Variants in RALGAPA2 observed in about 807,000 individuals in gnomAD.
The protein encoded by RALGAPA2 is Ral GTPase activating protein catalytic subunit alpha 2, also known as ral GTPase-activating protein subunit alpha-2.
In RALGAPA2, 139 loss-of-function variants were observed where a neutral mutation model predicts 230.4. The ratio of observed to expected loss-of-function variants is 0.60; its 90% CI spans 0.53 to 0.69. The LOEUF is 0.69. Among genes scored for constraint, RALGAPA2 ranks in the 30% least tolerant of loss-of-function variants. RALGAPA2 has a pLI of 0.00. For synonymous variants in RALGAPA2, 847 were observed against 837.8 expected, an observed-to-expected ratio of 1.01 and a Z score of -0.19; for missense variants, 2,163 against 2,276.0, an observed-to-expected ratio of 0.95 and a Z score of 1.01.
chr20:20,544,840 G>A (rs915391755), intron 24 of RALGAPA2, among the ~76,000 whole-genome samples: 3 of 151,550 alleles, frequency 2.0e-5, no homozygotes, highest in South Asian at 4.2e-4. Flanking sequence ...TGGACACAGC[G>A]AGGGGAATAT....
intron 16 of RALGAPA2, among the ~76,000 whole-genome samples, chr20:20,597,731 C>T (rs1403511054): frequency 4.0e-5 from 6 of 151,758 alleles, no homozygotes; most frequent in South Asian, 2.1e-4. Flanking sequence ...CCTAGCTACT[C>T]GGGAGGCTGA....
chr20:20,513,675 T>C (rs4814977), intron 31 of RALGAPA2, among the ~76,000 whole-genome samples: 152,195 of 152,276 alleles, frequency 1, 76,058 homozygotes, highest in Non-Finnish European at 1. Context: ...GATGTTTCTC[T>C]CAAGCCCCAG....
intron 4 of RALGAPA2, among the ~76,000 whole-genome samples, chr20:20,648,593 G>A (rs2067294112): frequency 6.6e-6 from 1 of 152,028 alleles, no homozygotes; most frequent in African/African-American, 2.4e-5. Flanking sequence ...TTGGGTCAAA[G>A]ATCAGGAGAA....
intron 37 of RALGAPA2, among the ~76,000 whole-genome samples, chr20:20,428,556 G>A (rs1317258878): frequency 6.6e-6 from 1 of 152,308 alleles, no homozygotes; most frequent in South Asian, 2.1e-4. Flanking sequence ...GAAGAGCCAT[G>A]GAGATGATCC....
chr20:20,436,525 T>C (rs747778995), intron 37 of RALGAPA2, among the ~76,000 whole-genome samples: 10 of 152,074 alleles, frequency 6.6e-5, no homozygotes, highest in Non-Finnish European at 1.3e-4. Context: ...AATACATGAG[T>C]AAGACGGCAA....
At position 20,512,741 on chromosome 20, in the gene RALGAPA2, T is replaced by C. The variant is rs762693802; in HGVS notation, c.4628A>G (p.Asn1543Ser). The C allele has an allele frequency of 2.5e-6, 4 of 1,613,806 alleles. No homozygotes were observed. The highest frequency in any genetic ancestry group is 2.7e-5 in the African/African-American group (2 of 75,024). ...ECLLPSQLNL[N>S]EPSLTPCGMN... ...GCCACATGGGGTTAGGGAAGGTTCA[T>C]TTAGATTTAGCTGTGACGGTAAAAG... The change falls in exon 32 of 40, where the codon AAT (asparagine) becomes AGT (serine). Residue 1543 changes from asparagine (N) to serine (S), a missense_variant. Physicochemically the swap from Asn to Ser is conservative, Grantham distance 46. Transcript: ENST00000202677.
At chr20:20,676,041 T>C (rs1395650437) in intron 3 of RALGAPA2, among the ~76,000 whole-genome samples, 195 bp downstream of exon 3, 1 of 151,940 alleles carries the variant, frequency 6.6e-6, no homozygotes, top group Non-Finnish European at 1.5e-5. Flanking sequence ...CACACATGCT[T>C]GCAAAAAAAG....
intron 31 of RALGAPA2, among the ~76,000 whole-genome samples, chr20:20,515,954 G>C (rs2062858636): frequency 6.6e-6 from 1 of 152,278 alleles, no homozygotes; most frequent in Non-Finnish European, 1.5e-5. Flanking sequence ...CGGCAGATCT[G>C]GGTTCTGCGT....
At chr20:20,610,152 T>G (rs951931180) in intron 14 of RALGAPA2, among the ~76,000 whole-genome samples, 2 of 152,210 alleles carry the variant, frequency 1.3e-5, no homozygotes, top group African/African-American at 2.4e-5. Flanking sequence ...TCAGGTCAAC[T>G]GAGGAGGGAA....
intron 30 of RALGAPA2, 74 bp from the exon 31 acceptor site, chr20:20,521,174 C>T (rs6046909): frequency 0.053 from 68,271 of 1,281,950 alleles, 2,665 homozygotes; most frequent in African/African-American, 0.16. Flanking sequence ...CAAACTACTG[C>T]AGCACTTGGC....
Position 20,653,596 on chromosome 20 carries a change from A to G in RALGAPA2, c.271-9T>C. 7.1e-7 allele frequency: 1 copy of G among 1,414,364 alleles called. No individual in the cohort carries two copies. Among genetic ancestry groups the G allele is most frequent in the Non-Finnish European group, 9.7e-7 (1 of 1,029,786 alleles). The allele number at this position is 1,414,364 out of a possible 1,614,324, so 87.6% of individuals were successfully genotyped here. On this transcript the variant is annotated splice_polypyrimidine_tract_variant and intron_variant, in intron 3 of 39. Transcript: ENST00000202677. ...AGAAACTGCAGTATTTTCTATTAAA[A>G]AAAGATATAAAGAAAATAAACAACA... is the stretch of plus-strand genomic sequence containing the variant.
At chr20:20,418,033 C>G (rs148348737) in intron 37 of RALGAPA2, among the ~76,000 whole-genome samples, 1 of 152,168 alleles carries the variant, frequency 6.6e-6, no homozygotes, top group African/African-American at 2.4e-5. Flanking sequence ...ACTGGTACAT[C>G]TGACCACATT....
chr20:20,662,840 A>T (rs1241523911), intron 3 of RALGAPA2, among the ~76,000 whole-genome samples: 1 of 152,192 alleles, frequency 6.6e-6, no homozygotes, highest in African/African-American at 2.4e-5. Flanking sequence ...TTCCAAAGGG[A>T]GAACACCCTT....
chr20:20,531,316 T>C (rs1303976094), intron 27 of RALGAPA2, among the ~76,000 whole-genome samples: 1 of 152,198 alleles, frequency 6.6e-6, no homozygotes, highest in African/African-American at 2.4e-5. Context: ...TGGTGAACAC[T>C]GAGAGGCCTA....
At position 20,637,602 on chromosome 20, in the gene RALGAPA2, T is replaced by C. The variant is rs569410953; in HGVS notation, c.667-101A>G. On this transcript the variant is annotated intron_variant, in intron 7 of 39. Transcript: ENST00000202677. ...ATGTTACTAAAATTCCTAACCTAAA[T>C]GTAAAAAATGACAAATAATATTGAC... 5 of 1,044,042 alleles carry C rather than the reference T, an allele frequency of 4.8e-6. No homozygotes were observed. The Admixed American group carries it at 1.0e-4, about 22-fold the overall frequency. 64.7% of individuals were successfully genotyped at this position (1,044,042 alleles called of 1,614,324 possible).
At chr20:20,412,224 CCGTTGTGCAATTTT>C in intron 37 of RALGAPA2, 76 bp from the exon 38 acceptor site, 1 of 1,566,496 alleles carries the variant, frequency 6.4e-7, no homozygotes, top group Non-Finnish European at 8.7e-7. Context: ...ACTTTTAATA[CCGTTGTGCAATTTT>C]TTCTGTGTAA....
intron 21 of RALGAPA2, among the ~76,000 whole-genome samples, chr20:20,572,221 C>T (rs1053630640): frequency 4.6e-5 from 7 of 151,790 alleles, no homozygotes; most frequent in Admixed American, 6.6e-5. Flanking sequence ...CGATAAGTAA[C>T]ATTTTAATGA....
chr20:20,473,261 T>C (rs1038686010), intron 36 of RALGAPA2, among the ~76,000 whole-genome samples: 3 of 152,250 alleles, frequency 2.0e-5, no homozygotes, highest in Non-Finnish European at 2.9e-5. Flanking sequence ...GCCTACATCA[T>C]GTGAATTATG....
At chr20:20,605,095 G>C (rs1034223314) in intron 15 of RALGAPA2, 80 bp downstream of exon 15, 1 of 1,204,240 alleles carries the variant, frequency 8.3e-7, no homozygotes, top group Non-Finnish European at 1.2e-6. Flanking sequence ...AAAATTTCGC[G>C]CATTAATTGC....
Sources: gnomAD v4.1 joint callset for allele counts (sites outside exome capture counted in the v4.1 genomes callset) on GRCh38, gnomAD v4.1.1 for gene constraint, MANE v1.5 for transcripts, NCBI Gene and HGNC (gene_info 2026-07-23, HGNC 2026-07-21) for gene names.